The following SLF1 variants were observed in gnomAD, a reference collection of about 807,000 sequenced individuals.
The protein encoded by SLF1 is SMC5-SMC6 complex localization factor protein 1.
SLF1 carries 105 observed loss-of-function variants against 123.0 expected under a neutral mutation model. That is an observed-to-expected ratio of 0.85 (90% CI 0.73 to 1.00). The LOEUF is 1.00. Ranked by LOEUF, SLF1 falls within the 50% of genes least tolerant of loss-of-function variation. The pLI is 0.00. For synonymous variants in SLF1, 434 were observed against 406.6 expected (o/e 1.07, Z -0.81); for missense variants, 1,239 against 1,223.0 (o/e 1.01, Z -0.20).
At chr5:94,650,587 A>G (rs1747588391) in intron 6 of SLF1, among the ~76,000 whole-genome samples, 1 of 152,152 alleles carries the variant, frequency 6.6e-6, no homozygotes, top group South Asian at 2.1e-4. Context: ...GATGGTCTCC[A>G]TCTCCTGACC....
Position 94,663,939 on chromosome 5 carries a change from T to G in SLF1, c.1368+31T>G, listed in dbSNP as rs61741950. ...AGCAGCCTTAAGGATTTATAATCTT[T>G]TTTTCAAAGAATGTTAAAATGTGAA... On this transcript the variant is annotated intron_variant, in intron 11 of 20. Transcript: ENST00000265140. 1,706 of 1,447,630 alleles carry G rather than the reference T, an allele frequency of 1.2e-3. 19 individuals are homozygous for G. The African/African-American group carries it at 0.021, about 18-fold the overall frequency. 89.7% of individuals were successfully genotyped at this position (1,447,630 alleles called of 1,614,324 possible). A position where few individuals can be genotyped will look rare whatever the true frequency, so the allele number is the denominator to read the frequency against.
rs751091730 is a variant in SLF1, at chr5:94,630,759, A to G, written c.431+16A>G. On this transcript the variant is annotated intron_variant, in intron 4 of 20. Coordinates refer to ENST00000265140, the MANE Select transcript of SLF1 (RefSeq NM_032290.4). ...CTCTTATAAGGTAGGATGTGATTACATAAAAGCTAAAGCAATTAATGAGAA... is the reference window on the plus strand; with the variant it reads ...CTCTTATAAGGTAGGATGTGATTACGTAAAAGCTAAAGCAATTAATGAGAA... 2.6e-6 allele frequency: 4 copies of G among 1,532,954 alleles called. No individual in the cohort carries two copies. The South Asian group carries it at 3.7e-5, about 14-fold the overall frequency. 95.0% of individuals were successfully genotyped at this position (1,532,954 alleles called of 1,614,324 possible).
At chr5:94,664,311 T>C (rs1212282811) in intron 11 of SLF1, among the ~76,000 whole-genome samples, 1 of 152,186 alleles carries the variant, frequency 6.6e-6, no homozygotes, top group Non-Finnish European at 1.5e-5. Flanking sequence ...TAAAAAGAAA[T>C]AGAGGCAAGT....
In SLF1 at chr5:94,695,450, G is replaced by T; in HGVS notation, c.*138G>T. 2 of 1,107,368 alleles carry T rather than the reference G, an allele frequency of 1.8e-6. No homozygotes were observed. The highest frequency in any genetic ancestry group is 2.9e-5 in the South Asian group (1 of 34,872). 68.6% of individuals were successfully genotyped at this position (1,107,368 alleles called of 1,614,324 possible). On this transcript the variant is annotated 3_prime_UTR_variant, in exon 21 of 21. Transcript: ENST00000265140. ...TTTGCAGCCTTGCTAAATTTTAAAA[G>T]CATTTTTAAAAAAACTTCTACAAAA... is the stretch of plus-strand genomic sequence containing the variant.
intron 5 of SLF1, among the ~76,000 whole-genome samples, chr5:94,644,311 C>G (rs1478131920): frequency 6.6e-6 from 1 of 152,042 alleles, no homozygotes; most frequent in Non-Finnish European, 1.5e-5. Flanking sequence ...TTAGTATATT[C>G]TAGCTCATTC....
chr5:94,625,004 G>C (rs945074685), intron 1 of SLF1, among the ~76,000 whole-genome samples: 9 of 151,090 alleles, frequency 6.0e-5, no homozygotes, highest in African/African-American at 2.2e-4. Context: ...AGATAACACA[G>C]TGAAACCCCA....
rs560536813 is a variant in SLF1, at chr5:94,663,377, C to T, written c.1210-373C>T. 4.5e-4 allele frequency among the ~76,000 whole-genome samples: 68 copies of T among 152,372 alleles called. 1 individual carries two copies. In the South Asian group the frequency reaches 0.013, roughly 30 times the overall value. ...TTTGTTACTAGGCTGGGTGCAGTGG[C>T]TTACGCCTATAATCCCAGCACTTTG... On this transcript the variant is annotated intron_variant, in intron 10 of 20. Transcript: ENST00000265140.
At chr5:94,623,732 G>T (rs1791994916) in intron 1 of SLF1, among the ~76,000 whole-genome samples, 1 of 151,998 alleles carries the variant, frequency 6.6e-6, no homozygotes, top group African/African-American at 2.4e-5. Context: ...TTAATTGTCT[G>T]GGTTATTGAT....
chr5:94,692,225 A>G lies in SLF1; in HGVS notation c.2664A>G (p.Val888=), dbSNP rs1384574030. 1 of 1,613,732 alleles carries G rather than the reference A, an allele frequency of 6.2e-7. No homozygotes were observed. Among genetic ancestry groups the G allele is most frequent in the South Asian group, 1.1e-5 (1 of 91,052 alleles). Residue 888 remains valine (V), a synonymous_variant, in exon 20 of 21, where the codon GTA becomes GTG. Transcript: ENST00000265140. ...ATGATGCACTGTCAAACGGACATGT[A>G]GAAATTGGCAAGCTGCTACTACAGC... ...PLHDALSNGH[V]EIGKLLLQHG... is the part of the protein sequence containing the mutation.
intron 14 of SLF1, among the ~76,000 whole-genome samples, chr5:94,671,313 T>A (rs1750421819): frequency 6.6e-6 from 1 of 151,798 alleles, no homozygotes; most frequent in South Asian, 2.1e-4. Flanking sequence ...ACTTAAGATT[T>A]AAAAATAAAT....
chr5:94,624,613 T>G (rs1224843390), intron 1 of SLF1, among the ~76,000 whole-genome samples: 1 of 152,244 alleles, frequency 6.6e-6, no homozygotes. Flanking sequence ...GTATAACTTG[T>G]TTAATTCTGA....
At chr5:94,670,319 G>T in intron 13 of SLF1, 40 bp downstream of exon 13, 4 of 1,388,224 alleles carry the variant, frequency 2.9e-6, no homozygotes, top group South Asian at 3.5e-5. Context: ...TCTAAATTTT[G>T]GTTGTTTTTA....
intron 14 of SLF1, among the ~76,000 whole-genome samples, chr5:94,673,363 T>C (rs1021510069): frequency 1.3e-5 from 2 of 152,082 alleles, no homozygotes; most frequent in Non-Finnish European, 2.9e-5. Flanking sequence ...TTTTTAGTTT[T>C]AGTTTTCTTC....
At chr5:94,667,475 T>C (rs949605870) in intron 12 of SLF1, among the ~76,000 whole-genome samples, 3 of 152,186 alleles carry the variant, frequency 2.0e-5, no homozygotes, top group African/African-American at 7.2e-5. Flanking sequence ...TTCCTTTTAA[T>C]TTTTCTTCCA....
In SLF1 at chr5:94,694,938, A is replaced by G; in HGVS notation, c.2803A>G (p.Thr935Ala). 2 of 1,612,516 alleles carry G rather than the reference A, an allele frequency of 1.2e-6. No individual in the cohort carries two copies. Among genetic ancestry groups the G allele is most frequent in the East Asian group, 2.2e-5 (1 of 44,822 alleles). Residue 935 changes from threonine to alanine, a missense_variant, in exon 21 of 21, where the codon ACA (threonine) becomes GCA (alanine). Thr to Ala is a moderately conservative substitution (Grantham distance 58, BLOSUM62 0). Coordinates refer to ENST00000265140, the MANE Select transcript of SLF1 (RefSeq NM_032290.4). Reference protein sequence around the residue: ...ELFAITKIEDTVENFHAQAEK... With the variant: ...ELFAITKIEDAVENFHAQAEK... ...GTTTGCTATTACAAAAATAGAAGAT[A>G]CAGTGGAGAACTTTCATGCACAAGC...
At chr5:94,689,707 A>G in intron 18 of SLF1, 101 bp downstream of exon 18, 3 of 1,059,652 alleles carry the variant, frequency 2.8e-6, no homozygotes, top group Admixed American at 2.5e-5. Context: ...CTTGAACTTA[A>G]ATATTGGACT....
intron 19 of SLF1, 48 bp downstream of exon 19, chr5:94,691,704 A>G: frequency 4.3e-6 from 6 of 1,393,442 alleles, no homozygotes; most frequent in Non-Finnish European, 5.9e-6. Context: ...AATATTTGTG[A>G]TATTAAACAG....
chr5:94,666,953 C>CTTTT (rs34215806), intron 12 of SLF1, among the ~76,000 whole-genome samples: 90 of 104,576 alleles, frequency 8.6e-4, no homozygotes, highest in South Asian at 1.5e-3. Context: ...CTGGGAAGAT[C>CTTTT]TTTTTTTTTT....
chr5:94,673,142 A>G (rs967200470), intron 14 of SLF1, among the ~76,000 whole-genome samples: 7 of 151,078 alleles, frequency 4.6e-5, no homozygotes, highest in African/African-American at 2.4e-5. Context: ...GCTTTTGGCC[A>G]TGACTTTTTT....
Sources: allele counts gnomAD v4.1 joint callset (sites outside exome capture counted in the v4.1 genomes callset), GRCh38; gene constraint gnomAD v4.1.1; transcripts MANE v1.5; gene names NCBI Gene and HGNC (gene_info 2026-07-23, HGNC 2026-07-21).